The following STXBP6 variants were observed in gnomAD, a reference collection of about 807,000 sequenced individuals.
STXBP6 encodes syntaxin-binding protein 6.
Under a neutral mutation model 26.9 loss-of-function variants are expected in STXBP6, and 21 were observed. The observed-to-expected ratio is 0.78, with a 90% CI of 0.55 to 1.12. STXBP6 has a LOEUF of 1.12. Among genes scored for constraint, STXBP6 ranks in the 50% most tolerant of loss-of-function variants. STXBP6 has a pLI of 0.00. For synonymous variants in STXBP6, 97 were observed against 92.6 expected, an observed-to-expected ratio of 1.05 and a Z score of -0.27; for missense variants, 232 against 257.9, an observed-to-expected ratio of 0.90 and a Z score of 0.69.
chr14:24,982,863 C>A (rs553692799), intron 1 of STXBP6, among the ~76,000 whole-genome samples: 1 of 152,248 alleles, frequency 6.6e-6, no homozygotes, highest in East Asian at 1.9e-4. Flanking sequence ...TTACTACATC[C>A]TAACTTTCAC....
chr14:24,925,560 C>T (rs1428383076), intron 2 of STXBP6, among the ~76,000 whole-genome samples: 1 of 152,236 alleles, frequency 6.6e-6, no homozygotes, highest in Non-Finnish European at 1.5e-5. Flanking sequence ...AACAGCTGTC[C>T]CGTCCCCAAG....
In STXBP6 at chr14:24,920,209, A is replaced by G. The variant is rs140486090; in HGVS notation, c.154+54456T>C. On this transcript the variant is annotated intron_variant, in intron 2 of 5. Transcript: ENST00000323944. ...AAGCACAGCAAGAATCAGGAACTCA[A>G]TACTCAAAACACATGTGGAGGAAGA... 4.6e-5 allele frequency among the ~76,000 whole-genome samples: 7 copies of G among 152,188 alleles called. No homozygotes were observed. In the East Asian group the frequency reaches 1.2e-3, roughly 25 times the overall value.
In STXBP6 at chr14:24,811,668, A is replaced by G. The variant is rs1240654862; in HGVS notation, c.*1041T>C. On this transcript the variant is annotated 3_prime_UTR_variant, in exon 6 of 6. Transcript: ENST00000323944. ...TCAAGAAACTCACATATTAAATTAC[A>G]TTAAATAAATAGATAGCAAAAACAA... is the stretch of plus-strand genomic sequence containing the variant. 6.6e-6 allele frequency: 1 copy of G among 152,192 alleles called. No individual in the cohort carries two copies. The highest frequency in any genetic ancestry group is 1.5e-5 in the Non-Finnish European group (1 of 68,036). The allele number at this position is 152,192 out of a possible 1,614,324, so 9.4% of individuals were successfully genotyped here.
At chr14:24,984,941 A>G (rs1447675191) in intron 1 of STXBP6, among the ~76,000 whole-genome samples, 1 of 152,240 alleles carries the variant, frequency 6.6e-6, no homozygotes, top group Non-Finnish European at 1.5e-5. Flanking sequence ...AGAAATGAGA[A>G]AGGTACGGAA....
At chr14:24,968,880 C>T (rs537606908) in intron 2 of STXBP6, among the ~76,000 whole-genome samples, 1 of 152,294 alleles carries the variant, frequency 6.6e-6, no homozygotes, top group South Asian at 2.1e-4. Flanking sequence ...CCCAGGAAAA[C>T]AGTAAAACTT....
intron 1 of STXBP6, among the ~76,000 whole-genome samples, chr14:25,027,413 C>T (rs2075368659): frequency 6.6e-6 from 1 of 152,126 alleles, no homozygotes; most frequent in African/African-American, 2.4e-5. Context: ...ACAAACCATG[C>T]CCAAAAATGA....
intron 2 of STXBP6, among the ~76,000 whole-genome samples, chr14:24,899,033 T>C (rs1327803460): frequency 6.6e-6 from 1 of 152,060 alleles, no homozygotes; most frequent in Non-Finnish European, 1.5e-5. Context: ...GGGATAAAAC[T>C]CCCAACCCTC....
At chr14:24,867,177 T>C (rs1003133073) in intron 2 of STXBP6, among the ~76,000 whole-genome samples, 15 of 152,266 alleles carry the variant, frequency 9.9e-5, no homozygotes, top group Middle Eastern at 3.4e-3. Context: ...ACCTGGGAAC[T>C]AGCTTGGCCC....
At chr14:24,904,174 G>C (rs1329987591) in intron 2 of STXBP6, among the ~76,000 whole-genome samples, 1 of 152,136 alleles carries the variant, frequency 6.6e-6, no homozygotes, top group Non-Finnish European at 1.5e-5. Flanking sequence ...GTAAGAAACT[G>C]AAGTAAAGTT....
intron 1 of STXBP6, among the ~76,000 whole-genome samples, chr14:24,993,871 G>A (rs1595273666): frequency 6.6e-6 from 1 of 152,090 alleles, no homozygotes; most frequent in Non-Finnish European, 1.5e-5. Flanking sequence ...AGAGATCCAA[G>A]TACCTCCTTA....
At chr14:24,956,368 C>G (rs537803178) in intron 2 of STXBP6, among the ~76,000 whole-genome samples, 1 of 152,002 alleles carries the variant, frequency 6.6e-6, no homozygotes, top group African/African-American at 2.4e-5. Context: ...AGTTCTCAGA[C>G]GAAGGTTTTG....
At chr14:25,001,592 A>G (rs1380679901) in intron 1 of STXBP6, among the ~76,000 whole-genome samples, 8 of 152,110 alleles carry the variant, frequency 5.3e-5, no homozygotes, top group Admixed American at 5.2e-4. Context: ...TTAGAGTTTC[A>G]ATCTCTCTGC....
At chr14:25,007,807 C>G (rs1158785952) in intron 1 of STXBP6, among the ~76,000 whole-genome samples, 1 of 152,166 alleles carries the variant, frequency 6.6e-6, no homozygotes, top group Non-Finnish European at 1.5e-5. Flanking sequence ...TTCTTTTGAA[C>G]ATCTCAAAAG....
At chr14:24,898,492 T>C (rs1293759537) in intron 2 of STXBP6, among the ~76,000 whole-genome samples, 35 of 151,994 alleles carry the variant, frequency 2.3e-4, no homozygotes, top group Non-Finnish European at 4.4e-4. Context: ...GCCTGGCCAA[T>C]ATGGTGGAAC....
At chr14:24,857,884 G>A (rs1232875115) in intron 2 of STXBP6, among the ~76,000 whole-genome samples, 2 of 151,990 alleles carry the variant, frequency 1.3e-5, no homozygotes, top group Non-Finnish European at 1.5e-5. Flanking sequence ...CAGGCACCAG[G>A]AGAGGCACTC....
Position 24,811,183 on chromosome 14 carries a change from C to A in STXBP6, c.*1526G>T, listed in dbSNP as rs2067813491. On this transcript the variant is annotated 3_prime_UTR_variant, in exon 6 of 6. Coordinates refer to ENST00000323944, the MANE Select transcript of STXBP6 (RefSeq NM_001394410.1). ...AATGTGCACCATCTGATATTTTTAC[C>A]CCCAGTAGACAAACTTTCTCTCTCC... is the stretch of plus-strand genomic sequence containing the variant. The A allele has an allele frequency of 6.6e-6, 1 of 151,870 alleles. No homozygotes were observed. The highest frequency in any genetic ancestry group is 1.5e-5 in the Non-Finnish European group (1 of 67,980). The allele number at this position is 151,870 out of a possible 1,614,324, so 9.4% of individuals were successfully genotyped here.
At chr14:24,993,491 C>A (rs766704058) in intron 1 of STXBP6, among the ~76,000 whole-genome samples, 1 of 152,182 alleles carries the variant, frequency 6.6e-6, no homozygotes, top group Non-Finnish European at 1.5e-5. Context: ...TAGATTACTA[C>A]CAACATCCTC....
chr14:24,842,413 T>C (rs1289165394), intron 4 of STXBP6, among the ~76,000 whole-genome samples: 1 of 152,222 alleles, frequency 6.6e-6, no homozygotes, highest in Non-Finnish European at 1.5e-5. Flanking sequence ...TCCTAATAAT[T>C]GCTTTGTGAT....
intron 2 of STXBP6, among the ~76,000 whole-genome samples, chr14:24,895,666 G>A (rs1293771126): frequency 6.6e-6 from 1 of 152,192 alleles, no homozygotes; most frequent in African/African-American, 2.4e-5. Flanking sequence ...AGAAGATAGG[G>A]TAGGGCTTCC....
Sources: allele counts gnomAD v4.1 joint callset (sites outside exome capture counted in the v4.1 genomes callset), GRCh38; gene constraint gnomAD v4.1.1; transcripts MANE v1.5; gene names NCBI Gene and HGNC (gene_info 2026-07-23, HGNC 2026-07-21).